The following TTC34 variants were observed in gnomAD, a reference collection of about 807,000 sequenced individuals.
TTC34 encodes the protein tetratricopeptide repeat domain 34, also known as tetratricopeptide repeat protein 34.
TTC34 carries 44 observed loss-of-function variants against 40.7 expected under a neutral mutation model. The observed-to-expected ratio is 1.08, with a 90% CI of 0.85 to 1.39. The LOEUF is 1.39. Among genes scored for constraint, TTC34 ranks in the 40% most tolerant of loss-of-function variants. The probability of loss-of-function intolerance (pLI) is 0.00; values close to 1 mark genes in which losing one functional copy is unlikely to be tolerated. For missense variants in TTC34, 884 were observed against 838.0 expected (o/e 1.05, Z -0.68); for synonymous variants, 422 against 398.6 (o/e 1.06, Z -0.70).
chr1:2,653,010 A>T (rs1314998993), intron 6 of TTC34, among the ~76,000 whole-genome samples: 1 of 120,048 alleles, frequency 8.3e-6, no homozygotes, highest in Non-Finnish European at 1.8e-5. Context: ...CCCACAGCCC[A>T]AGGTGAGCAT....
At chr1:2,778,411 G>T (rs1053070854) in intron 6 of TTC34, among the ~76,000 whole-genome samples, 2 of 152,222 alleles carry the variant, frequency 1.3e-5, no homozygotes, top group Non-Finnish European at 2.9e-5. Context: ...CCTTGTGACA[G>T]CCTCTTGTCA....
chr1:2,652,508 T>TGGA (rs1570753892), intron 6 of TTC34, among the ~76,000 whole-genome samples: 1 of 139,730 alleles, frequency 7.2e-6, no homozygotes, highest in South Asian at 2.4e-4. Flanking sequence ...TCTGACGGCC[T>TGGA]GCAACAGCAC....
At chr1:2,778,247 C>A (rs1471105462) in intron 6 of TTC34, among the ~76,000 whole-genome samples, 1 of 152,240 alleles carries the variant, frequency 6.6e-6, no homozygotes, top group Non-Finnish European at 1.5e-5. Flanking sequence ...CCCTGGCAGG[C>A]ACATTGCCTC....
chr1:2,756,944 C>A (rs1641526452), intron 6 of TTC34, among the ~76,000 whole-genome samples: 18 of 152,066 alleles, frequency 1.2e-4, no homozygotes, highest in African/African-American at 4.1e-4. Context: ...ACAGAACCCA[C>A]ACCCCCAGGT....
chr1:2,758,361 G>T (rs1641575132), intron 6 of TTC34, among the ~76,000 whole-genome samples: 1 of 73,900 alleles, frequency 1.4e-5, no homozygotes, highest in South Asian at 6.3e-4. Context: ...TGCACCCCAA[G>T]GAGAGCATCT....
chr1:2,791,439 C>T lies in TTC34; in HGVS notation c.785-1093G>A, dbSNP rs191508846. ...TTTTCCTTATAACCCCATTCAATAG[C>T]AACAACAGCAACAATCTGCTGCATT... On this transcript the variant is annotated intron_variant, in intron 2 of 8. Transcript: ENST00000401095. Among the ~76,000 whole-genome samples the T allele has an allele frequency of 4.6e-5, 7 of 152,302 alleles. No homozygotes were observed. In the East Asian group the frequency reaches 1.4e-3, roughly 29 times the overall value.
intron 6 of TTC34, among the ~76,000 whole-genome samples, chr1:2,677,814 C>G (rs1249916485): frequency 2.2e-5 from 1 of 45,902 alleles, no homozygotes; most frequent in Non-Finnish European, 4.2e-5. Flanking sequence ...ATCCTCACAC[C>G]CAGTTGCGCA....
At chr1:2,648,922 A>T (rs1220918342) in intron 6 of TTC34, among the ~76,000 whole-genome samples, 1 of 94,382 alleles carries the variant, frequency 1.1e-5, no homozygotes, top group Non-Finnish European at 2.2e-5. Context: ...CACCCCACAC[A>T]CCTAGGGGAG....
exon 9 of TTC34, chr1:2,639,313 G>A (rs939299039): frequency 2.6e-5 from 4 of 152,248 alleles, no homozygotes; most frequent in African/African-American, 9.7e-5. Context: ...AGGAGCCTCA[G>A]CGGGGCTGGC....
chr1:2,642,086 G>A (rs1428049388), intron 8 of TTC34, among the ~76,000 whole-genome samples, 191 bp from the exon 9 acceptor site: 1 of 152,140 alleles, frequency 6.6e-6, no homozygotes, highest in Non-Finnish European at 1.5e-5. Context: ...GGCAGGAAGG[G>A]GGACCCAGGG....
chr1:2,657,563 CCGCAGTAGCACCCACAAGCACAAG>C (rs1639395719), intron 6 of TTC34, among the ~76,000 whole-genome samples: 1 of 97,744 alleles, frequency 1.0e-5, no homozygotes, highest in South Asian at 2.9e-4. Flanking sequence ...ATCTGACAGC[CCGCAGTAGCACCCACAAGCACAAG>C]TGAGAATCTG....
At chr1:2,656,352 G>C (rs1639344354) in intron 6 of TTC34, among the ~76,000 whole-genome samples, 1 of 147,894 alleles carries the variant, frequency 6.8e-6, no homozygotes, top group Non-Finnish European at 1.5e-5. Context: ...GTGAGCATCT[G>C]ACAGCCTGGA....
chr1:2,752,507 T>G (rs1239286327), intron 6 of TTC34, among the ~76,000 whole-genome samples: 769 of 52,898 alleles, frequency 0.015, no homozygotes, highest in East Asian at 0.041. Flanking sequence ...GGTGAGCATC[T>G]GACAGCCTGG....
intron 6 of TTC34, among the ~76,000 whole-genome samples, chr1:2,685,841 C>T (rs1388713651): frequency 1.4e-4 from 19 of 132,832 alleles, no homozygotes; most frequent in African/African-American, 5.9e-4. Context: ...ACCCCCATGC[C>T]CAGGTGAGCC....
At chr1:2,757,485 CGGA>C (rs1641544541) in intron 6 of TTC34, among the ~76,000 whole-genome samples, 2 of 108,746 alleles carry the variant, frequency 1.8e-5, no homozygotes, top group Non-Finnish European at 1.9e-5. Context: ...AGGTGAGCAT[CGGA>C]CAGCCTGGAT....
At chr1:2,768,478 A>C (rs1193384442) in intron 6 of TTC34, among the ~76,000 whole-genome samples, 4 of 150,360 alleles carry the variant, frequency 2.7e-5, no homozygotes, top group Non-Finnish European at 3.0e-5. Flanking sequence ...AGAATTTGAT[A>C]AGTGGGGAAA....
At chr1:2,688,025 C>G (rs1381570557) in intron 6 of TTC34, among the ~76,000 whole-genome samples, 15 of 137,770 alleles carry the variant, frequency 1.1e-4, no homozygotes, top group Admixed American at 2.9e-4. Flanking sequence ...GAGCATCTGA[C>G]TGCATGTAAC....
chr1:2,691,799 C>G (rs1431242539), intron 6 of TTC34, among the ~76,000 whole-genome samples: 1 of 57,342 alleles, frequency 1.7e-5, no homozygotes, highest in Non-Finnish European at 3.9e-5. Flanking sequence ...GGCGAGCATC[C>G]GACAGCCTGG....
At chr1:2,653,766 A>T (rs796340314) in intron 6 of TTC34, among the ~76,000 whole-genome samples, 129 of 58,430 alleles carry the variant, frequency 2.2e-3, no homozygotes, top group Middle Eastern at 0.011. Flanking sequence ...AGCAGCGCCC[A>T]CACCCCCAGG....
Sources: allele counts gnomAD v4.1 joint callset (sites outside exome capture counted in the v4.1 genomes callset), GRCh38; gene constraint gnomAD v4.1.1; transcripts MANE v1.5; gene names NCBI Gene and HGNC (gene_info 2026-07-23, HGNC 2026-07-21).